Variants in TMEM178B observed in about 807,000 individuals in gnomAD.
TMEM178B encodes transmembrane protein 178B.
Under a neutral mutation model 31.0 loss-of-function variants are expected in TMEM178B, and 5 were observed. The ratio of observed to expected loss-of-function variants is 0.16; its 90% CI spans 0.08 to 0.34. The LOEUF (loss-of-function observed/expected upper bound fraction) is 0.34. TMEM178B is among the 10% of genes least tolerant of loss of function. The probability of loss-of-function intolerance (pLI) is 1.00; values close to 1 mark genes in which losing one functional copy is unlikely to be tolerated. For synonymous variants in TMEM178B, 164 were observed against 164.0 expected (o/e 1.00, Z 0.00); for missense variants, 275 against 400.3 (o/e 0.69, Z 2.67).
chr7:141,242,866 G>C (rs1442256877), intron 2 of TMEM178B, among the ~76,000 whole-genome samples: 2 of 151,964 alleles, frequency 1.3e-5, no homozygotes. Flanking sequence ...TGAGATTCCA[G>C]CTGCTGTCTC....
chr7:141,180,936 A>G (rs551927878), intron 1 of TMEM178B, among the ~76,000 whole-genome samples: 1 of 152,284 alleles, frequency 6.6e-6, no homozygotes, highest in South Asian at 2.1e-4. Flanking sequence ...AAAAGGCTCC[A>G]TGTAAGGAAA....
At chr7:141,111,092 C>T (rs2018320) in intron 1 of TMEM178B, among the ~76,000 whole-genome samples, 27,153 of 152,148 alleles carry the variant, frequency 0.18, 3,112 homozygotes, top group East Asian at 0.41. Flanking sequence ...GCTGTAAGGA[C>T]ATACCCAGTA....
intron 2 of TMEM178B, among the ~76,000 whole-genome samples, chr7:141,263,518 G>A (rs114644520): frequency 6.6e-6 from 1 of 152,214 alleles, no homozygotes; most frequent in Non-Finnish European, 1.5e-5. Context: ...CAGAGTGAAG[G>A]CTGGGGTAGG....
chr7:141,423,424 C>A (rs550398060), intron 2 of TMEM178B, among the ~76,000 whole-genome samples: 69 of 152,328 alleles, frequency 4.5e-4, no homozygotes, highest in South Asian at 6.2e-4. Context: ...TACAAAAAGT[C>A]ATGCTGAGTC....
chr7:141,255,614 A>G, intron 2 of TMEM178B, among the ~76,000 whole-genome samples: 1 of 151,592 alleles, frequency 6.6e-6, no homozygotes, highest in African/African-American at 2.4e-5. Context: ...ATTAAGTTCA[A>G]TGAAAGAGTC....
At chr7:141,510,685 C>CAAAAAAAAAAAAAAAAAAAAAAAAAAAAA in the TMEM178B span, among the ~76,000 whole-genome samples, 9 of 24,966 alleles carry the variant, frequency 3.6e-4, 2 homozygotes, top group Non-Finnish European at 4.7e-4. Context: ...AACTCCGTCT[C>CAAAAAAAAAAAAAAAAAAAAAAAAAAAAA]AAAAAAAAAA....
intron 2 of TMEM178B, chr7:141,416,281 A>C (rs938146170): frequency 6.5e-6 from 1 of 152,722 alleles, no homozygotes; most frequent in Non-Finnish European, 1.5e-5. Context: ...CCACCTCTAC[A>C]TCCAAATCCT....
chr7:141,508,440 A>G, the TMEM178B span, among the ~76,000 whole-genome samples: 2 of 152,102 alleles, frequency 1.3e-5, no homozygotes. Flanking sequence ...GAGCCCTCCA[A>G]ACTGTTCCAA....
In TMEM178B at chr7:141,479,433, G is replaced by A. The variant is rs934436425; in HGVS notation, c.*8647G>A. The A allele has an allele frequency of 2.6e-5, 4 of 152,288 alleles. No individual in the cohort carries two copies. Among genetic ancestry groups the A allele is most frequent in the African/African-American group, 7.2e-5 (3 of 41,558 alleles). 9.4% of individuals were successfully genotyped at this position (152,288 alleles called of 1,614,324 possible). ...TGGTGACAAGTTCTACTTGGACTGG[G>A]ACTCAACCCACCATTGCCTACCTCT... On this transcript the variant is annotated 3_prime_UTR_variant, in exon 4 of 4. Transcript: ENST00000565468.
chr7:141,501,471 T>C, the TMEM178B span, among the ~76,000 whole-genome samples: 1 of 152,150 alleles, frequency 6.6e-6, no homozygotes, highest in African/African-American at 2.4e-5. Flanking sequence ...ATTAATACAC[T>C]GTGATGGTCT....
intron 2 of TMEM178B, among the ~76,000 whole-genome samples, chr7:141,411,140 C>T: frequency 6.9e-6 from 1 of 144,956 alleles, no homozygotes; most frequent in East Asian, 2.0e-4. Context: ...AGAGTTAATG[C>T]CTAATATGAG....
chr7:141,339,796 C>A (rs1157405943), intron 2 of TMEM178B, among the ~76,000 whole-genome samples: 1 of 152,148 alleles, frequency 6.6e-6, no homozygotes. Flanking sequence ...CACAGACTGC[C>A]CTGGAGGCAA....
At chr7:141,085,671 T>C (rs1372705864) in intron 1 of TMEM178B, among the ~76,000 whole-genome samples, 1 of 152,072 alleles carries the variant, frequency 6.6e-6, no homozygotes, top group Non-Finnish European at 1.5e-5. Context: ...ATCTTTATAA[T>C]AGTGATTCTA....
At chr7:141,197,945 A>C (rs1447461813) in intron 1 of TMEM178B, among the ~76,000 whole-genome samples, 1 of 152,138 alleles carries the variant, frequency 6.6e-6, no homozygotes, top group Admixed American at 6.6e-5. Flanking sequence ...TTTCCATTCA[A>C]GTTTTAGCTA....
Position 141,171,196 on chromosome 7 carries a change from T to C in TMEM178B, c.383-41395T>C, listed in dbSNP as rs966805591. Among the ~76,000 whole-genome samples, 1 of 152,170 alleles carries C rather than the reference T, an allele frequency of 6.6e-6. No individual in the cohort carries two copies. Among genetic ancestry groups the C allele is most frequent in the Non-Finnish European group, 1.5e-5 (1 of 68,018 alleles). On this transcript the variant is annotated intron_variant, in intron 1 of 3. Transcript: ENST00000565468. This position sits in a 1 kb window ranked among gnomAD's most constrained non-coding sequence, Gnocchi z 4.3. ...GGTTGGGTGCAGTGGCTCATGCATG[T>C]AATTCCAGCACTTTGGGAGGCTGAG...
intron 2 of TMEM178B, among the ~76,000 whole-genome samples, chr7:141,383,230 A>T (rs575129122): frequency 4.2e-4 from 63 of 149,172 alleles, no homozygotes; most frequent in African/African-American, 1.2e-3. Flanking sequence ...TTTTTTTTTT[A>T]AATTATACTT....
chr7:141,096,908 C>T (rs1162718453), intron 1 of TMEM178B, among the ~76,000 whole-genome samples: 1 of 151,866 alleles, frequency 6.6e-6, no homozygotes, highest in Non-Finnish European at 1.5e-5. Flanking sequence ...GGCAACATAG[C>T]GAGATCTCAT....
intron 2 of TMEM178B, among the ~76,000 whole-genome samples, chr7:141,356,922 A>G (rs1799829958): frequency 6.6e-6 from 1 of 152,122 alleles, no homozygotes; most frequent in Non-Finnish European, 1.5e-5. Context: ...TCCTAAATCA[A>G]TAACTGTGAA....
chr7:141,410,126 G>A (rs796234263), intron 2 of TMEM178B, among the ~76,000 whole-genome samples: 72 of 152,222 alleles, frequency 4.7e-4, no homozygotes, highest in African/African-American at 1.6e-3. Context: ...AAAATTTCCC[G>A]ATTTCTCCCC....
Sources: allele counts gnomAD v4.1 joint callset (sites outside exome capture counted in the v4.1 genomes callset), GRCh38; gene constraint gnomAD v4.1.1; non-coding constraint Gnocchi (gnomAD v3.1); transcripts MANE v1.5; gene names NCBI Gene and HGNC (gene_info 2026-07-23, HGNC 2026-07-21).